The following MACROD2 variants were observed in gnomAD, a reference collection of about 807,000 sequenced individuals.
MACROD2 encodes mono-ADP ribosylhydrolase 2.
In MACROD2, 36 loss-of-function variants were observed where a neutral mutation model predicts 70.4. The ratio of observed to expected loss-of-function variants is 0.51; its 90% CI spans 0.39 to 0.68. MACROD2 has a LOEUF of 0.68. MACROD2 is among the 30% of genes least tolerant of loss of function. The pLI, the probability that MACROD2 is intolerant of heterozygous loss-of-function variation, is 0.00. For synonymous variants in MACROD2, 172 were observed against 178.8 expected (o/e 0.96, Z 0.30); for missense variants, 496 against 538.4 (o/e 0.92, Z 0.78).
intron 3 of MACROD2, among the ~76,000 whole-genome samples, chr20:14,238,208 G>T (rs1004025974): frequency 6.6e-6 from 1 of 152,118 alleles, no homozygotes; most frequent in African/African-American, 2.4e-5. Context: ...CCACGATCTT[G>T]TAGGCTGTAT....
chr20:14,935,978 A>G (rs990093020), intron 5 of MACROD2, among the ~76,000 whole-genome samples: 80 of 152,070 alleles, frequency 5.3e-4, no homozygotes, highest in Non-Finnish European at 2.5e-4. Flanking sequence ...ATAAGTACTA[A>G]TTGTTCTAGG....
intron 4 of MACROD2, among the ~76,000 whole-genome samples, chr20:14,559,923 G>A (rs1192764027): frequency 1.3e-5 from 2 of 151,688 alleles, no homozygotes; most frequent in African/African-American, 4.8e-5. Flanking sequence ...CAGGGCTCAG[G>A]GGTACACATA....
intron 7 of MACROD2, among the ~76,000 whole-genome samples, chr20:15,497,123 G>A (rs997101223): frequency 1.3e-5 from 2 of 152,186 alleles, no homozygotes; most frequent in African/African-American, 2.4e-5. Flanking sequence ...CAGAAAGCCA[G>A]GGATGACATT....
chr20:15,317,719 G>A (rs1244646663), intron 6 of MACROD2, among the ~76,000 whole-genome samples: 6 of 151,830 alleles, frequency 4.0e-5, no homozygotes, highest in East Asian at 1.9e-4. Context: ...CAGAAAAATA[G>A]CAATGTTTCA....
At chr20:15,295,334 A>C (rs1467578661) in intron 6 of MACROD2, among the ~76,000 whole-genome samples, 1 of 152,192 alleles carries the variant, frequency 6.6e-6, no homozygotes, top group Non-Finnish European at 1.5e-5. Flanking sequence ...CACTTTGACT[A>C]TCTAATATAG....
chr20:15,473,497 T>C (rs146726150), intron 7 of MACROD2, among the ~76,000 whole-genome samples: 2 of 152,114 alleles, frequency 1.3e-5, no homozygotes, highest in African/African-American at 4.8e-5. Context: ...TATCAGGGAG[T>C]AACTTTTGCC....
intron 8 of MACROD2, among the ~76,000 whole-genome samples, chr20:15,586,655 A>G (rs2048606323): frequency 6.6e-6 from 1 of 152,200 alleles, no homozygotes; most frequent in Non-Finnish European, 1.5e-5. Context: ...ATTATTCTGG[A>G]GGTATTCTTT....
chr20:14,538,791 T>C (rs1052323221), intron 4 of MACROD2, among the ~76,000 whole-genome samples: 1 of 152,208 alleles, frequency 6.6e-6, no homozygotes, highest in Admixed American at 6.6e-5. Context: ...CCTCTCTTAC[T>C]CTAGGCATCT....
At chr20:14,824,142 T>G (rs2122216460) in intron 5 of MACROD2, among the ~76,000 whole-genome samples, 1 of 152,240 alleles carries the variant, frequency 6.6e-6, no homozygotes, top group Admixed American at 6.5e-5. Flanking sequence ...TCAGAATATC[T>G]CTAAGAAAGA....
chr20:15,269,950 T>G (rs969441322), intron 6 of MACROD2, among the ~76,000 whole-genome samples: 6 of 152,242 alleles, frequency 3.9e-5, no homozygotes, highest in Admixed American at 3.9e-4. Flanking sequence ...CTGGTCTCAT[T>G]TAGGAGAATT....
chr20:15,793,711 A>G (rs777022636), intron 8 of MACROD2, among the ~76,000 whole-genome samples: 1 of 150,706 alleles, frequency 6.6e-6, no homozygotes, highest in Non-Finnish European at 1.5e-5. Context: ...AGATCCTTGT[A>G]TCATAATTTG....
At chr20:14,062,822 A>G (rs1462503095) in intron 2 of MACROD2, among the ~76,000 whole-genome samples, 1 of 152,204 alleles carries the variant, frequency 6.6e-6, no homozygotes, top group Non-Finnish European at 1.5e-5. Flanking sequence ...ATCTAATGAA[A>G]TCTGACTTCT....
At chr20:15,103,183 A>C (rs2075886346) in intron 5 of MACROD2, among the ~76,000 whole-genome samples, 1 of 152,138 alleles carries the variant, frequency 6.6e-6, no homozygotes, top group Non-Finnish European at 1.5e-5. Context: ...TCACATAGCA[A>C]GAAGTCTAGA....
rs1394206897 is a variant in MACROD2 at position 14,745,423 on chromosome 20, G to A, written c.418+60464G>A. ...CTGCGGAATATCATGGCTGATGGGT[G>A]TCCTGCAGAGGCAGTGTTACAGCAC... On this transcript the variant is annotated intron_variant, in intron 5 of 17. Coordinates refer to ENST00000684519, the MANE Select transcript of MACROD2 (RefSeq NM_001351661.2). Among the ~76,000 whole-genome samples, 7 of 152,126 alleles carry A rather than the reference G, an allele frequency of 4.6e-5. 1 individual carries two copies. The highest frequency in any genetic ancestry group is 4.1e-4 in the South Asian group (2 of 4,836).
intron 3 of MACROD2, among the ~76,000 whole-genome samples, chr20:14,377,800 C>T (rs1432916336): frequency 6.6e-6 from 1 of 152,192 alleles, no homozygotes; most frequent in African/African-American, 2.4e-5. Flanking sequence ...TGTTAATTCA[C>T]TTTTCTGTGG....
intron 5 of MACROD2, among the ~76,000 whole-genome samples, chr20:14,708,607 A>T (rs1211618707): frequency 6.6e-6 from 1 of 152,060 alleles, no homozygotes; most frequent in East Asian, 1.9e-4. Flanking sequence ...TTTCTGCACA[A>T]CTTTTTGTTT....
intron 5 of MACROD2, among the ~76,000 whole-genome samples, chr20:14,913,637 T>C (rs1326340192): frequency 7.9e-5 from 12 of 152,134 alleles, no homozygotes; most frequent in Admixed American, 7.9e-4. Flanking sequence ...TAGTGTGCTA[T>C]GATCACATCA....
chr20:14,812,265 A>T (rs969240503), intron 5 of MACROD2, among the ~76,000 whole-genome samples: 2 of 151,776 alleles, frequency 1.3e-5, no homozygotes, highest in Non-Finnish European at 2.9e-5. Flanking sequence ...GAATGAGTTC[A>T]TGTGGGGACA....
intron 3 of MACROD2, among the ~76,000 whole-genome samples, chr20:14,165,027 G>C (rs1601300269): frequency 6.6e-6 from 1 of 152,276 alleles, no homozygotes; most frequent in East Asian, 1.9e-4. Context: ...CCTGGCAGAG[G>C]CTGCTGCAGG....
Sources: allele counts gnomAD v4.1 joint callset (sites outside exome capture counted in the v4.1 genomes callset), GRCh38; gene constraint gnomAD v4.1.1; transcripts MANE v1.5; gene names NCBI Gene and HGNC (gene_info 2026-07-23, HGNC 2026-07-21).